The following NAGK variants were observed in gnomAD, a reference collection of about 807,000 sequenced individuals.
NAGK encodes N-acetylglucosamine kinase.
Under a neutral mutation model 42.9 loss-of-function variants are expected in NAGK, and 35 were observed. The observed-to-expected ratio is 0.82, with a 90% confidence interval of 0.62 to 1.08. The LOEUF is 1.08. Ranked by LOEUF, NAGK falls within the 50% of genes least tolerant of loss-of-function variation. NAGK has a pLI of 0.00. For missense variants in NAGK, 446 were observed against 446.0 expected (o/e 1.00, Z 0.00); for synonymous variants, 172 against 176.0 (o/e 0.98, Z 0.18).
At chr2:71,073,155 C>A in intron 5 of NAGK, 1 of 478,006 alleles carries the variant, frequency 2.1e-6, no homozygotes, top group South Asian at 2.1e-5. Flanking sequence ...TCATAGGGGC[C>A]CTTGAGGTCC....
chr2:71,071,911 C>A, intron 4 of NAGK, 84 bp downstream of exon 4: 1 of 1,526,680 alleles, frequency 6.6e-7, no homozygotes. Flanking sequence ...ACTTGTTCTG[C>A]AAATATCCAG....
intron 5 of NAGK, chr2:71,073,053 T>TA (rs1221718036): frequency 2.1e-6 from 1 of 470,442 alleles, no homozygotes; most frequent in Admixed American, 3.3e-5. Flanking sequence ...GGTAAGGCCA[T>TA]AGATGCCAGG....
chr2:71,069,049 G>C lies in NAGK; in HGVS notation c.29+337G>C, dbSNP rs564187381. The C allele has an allele frequency of 1.5e-5, 16 of 1,079,910 alleles. No individual in the cohort carries two copies. The African/African-American group carries it at 2.5e-4, about 17-fold the overall frequency. The allele number at this position is 1,079,910 out of a possible 1,614,324, so 66.9% of individuals were successfully genotyped here. The stretch of plus-strand genomic sequence containing the variant: ...TCCTGACCTCGGACAGAGTTTTGCA[G>C]AACAGGTGTCAGGTGTGAAATTGCT... On this transcript the variant is annotated intron_variant, in intron 1 of 9. Coordinates refer to ENST00000244204, the MANE Select transcript of NAGK (RefSeq NM_017567.6).
In NAGK at chr2:71,073,543, G is replaced by A. The variant is rs144974375; in HGVS notation, c.528G>A (p.Ala176=). The change falls in exon 6 of 10, where the codon GCG becomes GCA. Residue 176 remains alanine, a synonymous_variant. Transcript: ENST00000244204. ...IVFDSIDNLE[A]APHDIGYVKQ... is the part of the protein sequence containing the mutation. The stretch of plus-strand genomic sequence containing the variant: ...TTGACTCCATTGACAACCTAGAGGC[G>A]GCTCCTCATGATATCGGCTACGTCA... 4.1e-3 allele frequency: 6,606 copies of A among 1,614,054 alleles called. 29 individuals carry two copies. The highest frequency in any genetic ancestry group is 4.5e-3 in the Non-Finnish European group (5,271 of 1,179,998).
At chr2:71,077,970 T>G (rs1220539796) in intron 9 of NAGK, among the ~76,000 whole-genome samples, 2 of 152,216 alleles carry the variant, frequency 1.3e-5, no homozygotes, top group Non-Finnish European at 2.9e-5. Context: ...GTCAACATAA[T>G]TCTAGCTAGA....
At position 71,075,575 on chromosome 2, in the gene NAGK, A is replaced by C. The variant is rs376531405; in HGVS notation, c.600A>C (p.Ile200=). 6.2e-7 allele frequency: 1 copy of C among 1,613,752 alleles called. No homozygotes were observed. Among genetic ancestry groups the C allele is most frequent in the African/African-American group, 1.3e-5 (1 of 74,864 alleles). ...CTCAGGTGCCAGATCGGCTAGGGAT[A>C]CTCACTCACCTGTATAGGGACTTTG... is the stretch of plus-strand genomic sequence containing the variant. ...HYFQVPDRLG[I]LTHLYRDFDK... Residue 200 remains isoleucine, a synonymous_variant, in exon 7 of 10, where the codon ATA becomes ATC. Transcript: ENST00000244204.
At position 71,077,573 on chromosome 2, in the gene NAGK, A is replaced by ACC; in HGVS notation, c.781_782insCC (p.Lys261ThrfsTer20). The ACC allele has an allele frequency of 6.2e-7, 1 of 1,609,062 alleles. No individual in the cohort carries two copies. Among genetic ancestry groups the ACC allele is most frequent in the East Asian group, 2.2e-5 (1 of 44,670 alleles). On this transcript the variant is annotated frameshift_variant, in exon 9 of 10. Coordinates refer to ENST00000244204, the MANE Select transcript of NAGK (RefSeq NM_017567.6). LOFTEE classifies it high-confidence loss of function. The stretch of plus-strand genomic sequence containing the variant: ...CTCCACCCAGGTCTTGTTCCAGGGC[A>ACC]AGATTGGACTCCCCATCCTGTGCGT...
Position 71,071,669 on chromosome 2 carries a change from C to T in NAGK, c.214-17C>T, listed in dbSNP as rs746363898. On this transcript the variant is annotated splice_polypyrimidine_tract_variant and intron_variant, in intron 3 of 9. Coordinates refer to ENST00000244204, the MANE Select transcript of NAGK (RefSeq NM_017567.6). ...GGCTGGGGCTCTGCACACTCGCTCA[C>T]CTCCCGCGTGGCCTAGGGCCTATCT... 7 of 1,606,778 alleles carry T rather than the reference C, an allele frequency of 4.4e-6. No individual in the cohort carries two copies. The highest frequency in any genetic ancestry group is 5.9e-6 in the Non-Finnish European group (7 of 1,176,802).
chr2:71,071,854 G>A (rs115551256), intron 4 of NAGK, 27 bp downstream of exon 4: 25,868 of 1,611,884 alleles, frequency 0.016, 253 homozygotes, highest in Non-Finnish European at 0.019. Context: ...AGGGGTGAGA[G>A]TGAGAACTGG....
upstream of NAGK, chr2:71,068,364 C>A: frequency 1.1e-6 from 1 of 884,352 alleles, no homozygotes; most frequent in African/African-American, 1.8e-5. Flanking sequence ...AGGGTCCGAC[C>A]GACCTAGATA....
chr2:71,070,268 T>C (rs984266059), intron 1 of NAGK: 2 of 442,610 alleles, frequency 4.5e-6, no homozygotes, highest in Non-Finnish European at 8.4e-6. Flanking sequence ...AGGTGAAGCG[T>C]AAGTAGAGTC....
intron 6 of NAGK, among the ~76,000 whole-genome samples, chr2:71,074,318 G>A (rs10179531): frequency 0.052 from 7,900 of 152,204 alleles, 593 homozygotes; most frequent in African/African-American, 0.16. Context: ...TGGATTATCA[G>A]GGCTGAGGGA....
At position 71,071,808 on chromosome 2, in the gene NAGK, C is replaced by T. The variant is rs898894401; in HGVS notation, c.336C>T (p.Ile112=). 1.9e-6 allele frequency: 3 copies of T among 1,614,094 alleles called. No homozygotes were observed. The highest frequency in any genetic ancestry group is 2.5e-6 in the Non-Finnish European group (3 of 1,180,014). The change falls in exon 4 of 10, where the codon ATC becomes ATT. Residue 112 remains isoleucine, a synonymous_variant. Coordinates refer to ENST00000244204, the MANE Select transcript of NAGK (RefSeq NM_017567.6). The stretch of plus-strand genomic sequence containing the variant: ...TCACCACCGATGCCGCCGGCTCCAT[C>T]GCCACAGCTACACCGGATGGTGAGG... ...YLITTDAAGS[I]ATATPDGGVV... is the part of the protein sequence containing the mutation.
At chr2:71,070,911 G>A in intron 3 of NAGK, 72 bp downstream of exon 3, 1 of 1,464,146 alleles carries the variant, frequency 6.8e-7, no homozygotes, top group Non-Finnish European at 9.6e-7. Context: ...TGGACTAGAT[G>A]AGTTTGATGA....
chr2:71,070,423 T>C, intron 1 of NAGK, 79 bp from the exon 2 acceptor site: 3 of 1,235,846 alleles, frequency 2.4e-6, no homozygotes, highest in Admixed American at 2.0e-5. Flanking sequence ...TACTGGGCTC[T>C]GCCAGTGTGG....
In NAGK at chr2:71,073,210, C is replaced by T. The variant is rs1445735826; in HGVS notation, c.467-272C>T. On this transcript the variant is annotated intron_variant, in intron 5 of 9. Transcript: ENST00000244204. Reference sequence around the variant, plus strand: ...GGTGGTATTTGTGACAACAGACTGACCTTGCCTTATCCTTGGGTAGGAGCT... The same window carrying T: ...GGTGGTATTTGTGACAACAGACTGATCTTGCCTTATCCTTGGGTAGGAGCT... 8 of 539,136 alleles carry T rather than the reference C, an allele frequency of 1.5e-5. No individual in the cohort carries two copies. In the East Asian group the frequency reaches 2.3e-4, roughly 15 times the overall value. 33.4% of individuals were successfully genotyped at this position (539,136 alleles called of 1,614,324 possible).
rs577164732 is a variant in NAGK at position 71,072,481 on chromosome 2, C to A, written c.356-160C>A. 1.4e-4 allele frequency: 85 copies of A among 597,990 alleles called. 1 individual carries two copies. The highest frequency in any genetic ancestry group is 2.4e-4 in the Non-Finnish European group (81 of 336,206). 37.0% of individuals were successfully genotyped at this position (597,990 alleles called of 1,614,324 possible). A position where few individuals can be genotyped will look rare whatever the true frequency, so the allele number is the denominator to read the frequency against. ...AGTTTTTCTGAGACCCAGGCTCTCA[C>A]CCTCAGGCAGGAAACTAGCTGGGCT... On this transcript the variant is annotated intron_variant, in intron 4 of 9. Coordinates refer to ENST00000244204, the MANE Select transcript of NAGK (RefSeq NM_017567.6).
upstream of NAGK, chr2:71,068,392 C>T (rs1671855849): frequency 1.8e-6 from 2 of 1,115,070 alleles, no homozygotes; most frequent in African/African-American, 3.3e-5. Flanking sequence ...TTGATTCCTC[C>T]TCTTGGGATT....
At position 71,078,480 on chromosome 2, in the gene NAGK, T is replaced by G; in HGVS notation, c.1007T>G (p.Ile336Ser). 1.3e-6 allele frequency: 2 copies of G among 1,586,822 alleles called. No homozygotes were observed. The highest frequency in any genetic ancestry group is 1.7e-6 in the Non-Finnish European group (2 of 1,165,350). ...CCCATGGACTATAGCGCCAATGCCA[T>G]TGCCTTCTATTCCTACACCTTTTCC... ...LLPMDYSANA[I>S]AFYSYTFS Residue 336 changes from isoleucine (I) to serine (S), a missense_variant, in exon 10 of 10, where the codon ATT (isoleucine) becomes AGT (serine). By Grantham distance (142) the Ile-to-Ser change is moderately radical (BLOSUM62 -2). Transcript: ENST00000244204.
Sources: allele counts gnomAD v4.1 joint callset (sites outside exome capture counted in the v4.1 genomes callset), GRCh38; gene constraint gnomAD v4.1.1; transcripts MANE v1.5; gene names NCBI Gene and HGNC (gene_info 2026-07-23, HGNC 2026-07-21).